The following SDK1 variants were observed in gnomAD, a reference collection of about 807,000 sequenced individuals.
SDK1 encodes protein sidekick-1.
In SDK1, 157 loss-of-function variants were observed where a neutral mutation model predicts 245.5. The observed-to-expected ratio is 0.64, with a 90% CI of 0.56 to 0.73. SDK1 has a LOEUF of 0.73. Among genes scored for constraint, SDK1 ranks in the 30% least tolerant of loss-of-function variants. The probability of loss-of-function intolerance (pLI) is 0.00; values close to 1 mark genes in which losing one functional copy is unlikely to be tolerated. For missense variants in SDK1, 3,583 were observed against 3,002.3 expected, an observed-to-expected ratio of 1.19 and a Z score of -4.52; for synonymous variants, 1,647 against 1,278.5, an observed-to-expected ratio of 1.29 and a Z score of -6.15.
At chr7:3,400,715 T>C (rs1372108357) in intron 1 of SDK1, among the ~76,000 whole-genome samples, 1 of 152,148 alleles carries the variant, frequency 6.6e-6, no homozygotes, top group Non-Finnish European at 1.5e-5. Context: ...TATTTTGTAG[T>C]TGGTGGGTTC....
intron 14 of SDK1, among the ~76,000 whole-genome samples, chr7:4,005,628 C>A (rs1274806389): frequency 6.6e-6 from 1 of 152,082 alleles, no homozygotes; most frequent in Non-Finnish European, 1.5e-5. Flanking sequence ...GCAGTAAGAC[C>A]TCCTCCCCAA....
At chr7:4,106,204 A>G (rs1276743824) in intron 22 of SDK1, among the ~76,000 whole-genome samples, 1 of 152,194 alleles carries the variant, frequency 6.6e-6, no homozygotes, top group Non-Finnish European at 1.5e-5. Context: ...GAGAATGGCC[A>G]CAGGGCCTAG....
chr7:3,663,489 C>A (rs796152876), intron 4 of SDK1, among the ~76,000 whole-genome samples: 2 of 152,058 alleles, frequency 1.3e-5, no homozygotes, highest in African/African-American at 4.8e-5. Context: ...TGATGTTGTC[C>A]GCTTAGAGGT....
intron 5 of SDK1, among the ~76,000 whole-genome samples, chr7:3,861,347 C>G (rs1029812649): frequency 1.3e-5 from 2 of 152,308 alleles, no homozygotes; most frequent in African/African-American, 4.8e-5. Context: ...GCAAAATTCG[C>G]TTGTAGTTCC....
At chr7:4,136,819 G>A (rs1779127339) in intron 28 of SDK1, among the ~76,000 whole-genome samples, 1 of 152,246 alleles carries the variant, frequency 6.6e-6, no homozygotes, top group South Asian at 2.1e-4. Context: ...GAACTCTGCG[G>A]AGAATCAGGA....
chr7:3,523,207 G>C (rs1783002393), intron 1 of SDK1, among the ~76,000 whole-genome samples: 1 of 152,186 alleles, frequency 6.6e-6, no homozygotes, highest in Non-Finnish European at 1.5e-5. Context: ...ATGATGTAAT[G>C]TTAAAGAGCC....
intron 1 of SDK1, among the ~76,000 whole-genome samples, chr7:3,560,828 C>T (rs1208720363): frequency 6.6e-6 from 1 of 152,124 alleles, no homozygotes; most frequent in Non-Finnish European, 1.5e-5. Context: ...CCAACCTGCC[C>T]GAGTTGCTGC....
At chr7:4,249,453 C>A (rs1435249543) in intron 44 of SDK1, among the ~76,000 whole-genome samples, 1 of 152,166 alleles carries the variant, frequency 6.6e-6, no homozygotes, top group East Asian at 1.9e-4. Context: ...CCTCATGGTT[C>A]CTAGTGCCTT....
chr7:3,673,532 C>T (rs1387251884), intron 4 of SDK1, among the ~76,000 whole-genome samples: 2 of 152,178 alleles, frequency 1.3e-5, no homozygotes, highest in Non-Finnish European at 2.9e-5. Flanking sequence ...ATACCATAGG[C>T]CCCGCCGGCC....
rs1781110639 is a variant in SDK1, at chr7:4,082,324, T to A, written c.3324+2740T>A. On this transcript the variant is annotated intron_variant, in intron 22 of 44. Transcript: ENST00000404826. ...ACCAAGGCAGGCGGATCACTTGAGGTTGGGAGTTCGAGGCCAGCCTGGCCA... is the reference window on the plus strand; with the variant it reads ...ACCAAGGCAGGCGGATCACTTGAGGATGGGAGTTCGAGGCCAGCCTGGCCA... Among the ~76,000 whole-genome samples the A allele has an allele frequency of 2.0e-5, 3 of 152,104 alleles. No homozygotes were observed. The South Asian group carries it at 6.2e-4, about 32-fold the overall frequency.
Position 3,609,901 on chromosome 7 carries a change from G to A in SDK1, c.299-9179G>A, listed in dbSNP as rs568196948. 6.7e-5 allele frequency among the ~76,000 whole-genome samples: 10 copies of A among 149,618 alleles called. No individual in the cohort carries two copies. The East Asian group carries it at 8.1e-4, about 12-fold the overall frequency. On this transcript the variant is annotated intron_variant, in intron 1 of 44. Transcript: ENST00000404826. ...TTTTTAGTAGAGATGGGGTCTTGCC[G>A]TGTTGGCCAGACTGGTCTCAAACTC...
At chr7:3,621,780 C>T (rs947401933) in intron 2 of SDK1, among the ~76,000 whole-genome samples, 4 of 152,152 alleles carry the variant, frequency 2.6e-5, no homozygotes, top group Admixed American at 6.5e-5. Flanking sequence ...TATCAAAGTT[C>T]CCACTATTAA....
chr7:4,102,421 G>A (rs751202815), intron 22 of SDK1, among the ~76,000 whole-genome samples: 9 of 152,158 alleles, frequency 5.9e-5, no homozygotes, highest in Non-Finnish European at 1.3e-4. Flanking sequence ...CGCTTGGCTT[G>A]GCAGCTTTCC....
intron 2 of SDK1, among the ~76,000 whole-genome samples, chr7:3,624,100 T>G (rs551003303): frequency 2.0e-5 from 3 of 152,236 alleles, no homozygotes; most frequent in African/African-American, 2.4e-5. Flanking sequence ...ATGATACTTA[T>G]GTAGGAAACC....
At position 3,323,420 on chromosome 7, in the gene SDK1, C is replaced by T. The variant is rs145479331; in HGVS notation, c.298+21536C>T. On this transcript the variant is annotated intron_variant, in intron 1 of 44. Transcript: ENST00000404826. Reference sequence around the variant, plus strand: ...AAGATAGGAAGAAAATATGTGGTAACATTGGCCAGTGTTTGGGCCATAAGA... The same window carrying T: ...AAGATAGGAAGAAAATATGTGGTAATATTGGCCAGTGTTTGGGCCATAAGA... 3.3e-4 allele frequency among the ~76,000 whole-genome samples: 50 copies of T among 152,300 alleles called. No individual in the cohort carries two copies. In the East Asian group the frequency reaches 9.7e-3, roughly 29 times the overall value.
At chr7:3,965,959 G>C (rs1021826300) in intron 9 of SDK1, among the ~76,000 whole-genome samples, 7 of 151,924 alleles carry the variant, frequency 4.6e-5, no homozygotes, top group Non-Finnish European at 8.8e-5. Context: ...GTGACAAGCA[G>C]GGTGGCCATG....
rs568104187 is a variant in SDK1, at chr7:3,938,043, C to T, written c.848-12880C>T. 1.4e-4 allele frequency among the ~76,000 whole-genome samples: 22 copies of T among 152,176 alleles called. No homozygotes were observed. The East Asian group carries it at 4.1e-3, about 28-fold the overall frequency. ...GTAGAAACGGGATTTCACCATGTTG[C>T]CCACACTGGTCTTGAACTCCTGACC... On this transcript the variant is annotated intron_variant, in intron 5 of 44. Transcript: ENST00000404826.
rs769252945 is a variant in SDK1, at chr7:4,248,455, A to ACG, written c.6381+2651_6381+2652insGC. On this transcript the variant is annotated intron_variant, in intron 44 of 44. Coordinates refer to ENST00000404826, the MANE Select transcript of SDK1 (RefSeq NM_152744.4). Reference sequence around the variant, plus strand: ...TACCTATACACCTGAATACATGCACACATGCATACACACGTGCTTACCTAA... The same window carrying ACG: ...TACCTATACACCTGAATACATGCACACGCATGCATACACACGTGCTTACCTAA... Among the ~76,000 whole-genome samples the ACG allele has an allele frequency of 1.6e-3, 249 of 152,146 alleles. 6 individuals are homozygous for ACG. Among genetic ancestry groups the ACG allele is most frequent in the African/African-American group, 5.7e-3 (236 of 41,500 alleles).
intron 4 of SDK1, among the ~76,000 whole-genome samples, chr7:3,649,166 G>A (rs1782934050): frequency 6.6e-6 from 1 of 152,158 alleles, no homozygotes; most frequent in Non-Finnish European, 1.5e-5. Flanking sequence ...TTGGGGTGAG[G>A]GTCGTGCTGC....
Sources: allele counts gnomAD v4.1 joint callset (sites outside exome capture counted in the v4.1 genomes callset), GRCh38; gene constraint gnomAD v4.1.1; transcripts MANE v1.5; gene names NCBI Gene and HGNC (gene_info 2026-07-23, HGNC 2026-07-21).